Variants in ANKRD30A observed in about 807,000 individuals in gnomAD.
The protein encoded by ANKRD30A is ankyrin repeat domain-containing protein 30A.
In ANKRD30A, 170 loss-of-function variants were observed where a neutral mutation model predicts 166.3. The observed-to-expected ratio is 1.02, with a 90% confidence interval of 0.90 to 1.16. ANKRD30A has a LOEUF of 1.16. ANKRD30A is among the 50% of genes most tolerant of loss of function. The pLI is 0.00. For missense variants in ANKRD30A, 1,630 were observed against 1,518.0 expected (o/e 1.07, Z -1.23); for synonymous variants, 564 against 508.9 (o/e 1.11, Z -1.46).
rs958912187 is a variant in ANKRD30A, at chr10:37,195,623, G to T, written c.2615-1658G>T. On this transcript the variant is annotated intron_variant, in intron 27 of 35. Transcript: ENST00000361713. ...TATTTAAAAAATGGTGACCGGGTGC[G>T]GTGGCTCACGCCTGTAATGCCAGCA... is the stretch of plus-strand genomic sequence containing the variant. Among the ~76,000 whole-genome samples, 5 of 152,226 alleles carry T rather than the reference G, an allele frequency of 3.3e-5. No homozygotes were observed. In the South Asian group the frequency reaches 1.0e-3, roughly 32 times the overall value.
chr10:37,150,497 T>C (rs561320476), intron 11 of ANKRD30A, among the ~76,000 whole-genome samples: 1 of 152,196 alleles, frequency 6.6e-6, no homozygotes, highest in East Asian at 1.9e-4. Flanking sequence ...TACACTAACC[T>C]ACTTTTTAAA....
At chr10:37,163,036 A>G (rs1220462542) in intron 17 of ANKRD30A, among the ~76,000 whole-genome samples, 188 bp downstream of exon 17, 3 of 152,084 alleles carry the variant, frequency 2.0e-5, no homozygotes, top group Non-Finnish European at 4.4e-5. Flanking sequence ...ATATTTTTTA[A>G]AAAAATGTAG....
chr10:37,126,193 G>T (rs2132497342), intron 1 of ANKRD30A, among the ~76,000 whole-genome samples, 185 bp downstream of exon 1: 1 of 152,284 alleles, frequency 6.6e-6, no homozygotes, highest in African/African-American at 2.4e-5. Context: ...CCCAGGCTTG[G>T]GATGCGGGGT....
intron 13 of ANKRD30A, 112 bp from the exon 14 acceptor site, chr10:37,158,280 C>A: frequency 6.9e-7 from 1 of 1,446,084 alleles, no homozygotes; most frequent in Non-Finnish European, 9.5e-7. Flanking sequence ...ATAGTGTAAT[C>A]CGTTTTGCAA....
the ANKRD30A span, among the ~76,000 whole-genome samples, chr10:37,249,691 G>A: frequency 6.6e-6 from 1 of 152,158 alleles, no homozygotes; most frequent in Non-Finnish European, 1.5e-5. Flanking sequence ...GGGAAATTCA[G>A]GGTAGGTGTG....
chr10:37,191,067 G>C (rs1298862148), intron 25 of ANKRD30A, among the ~76,000 whole-genome samples: 1 of 151,698 alleles, frequency 6.6e-6, no homozygotes, highest in East Asian at 1.9e-4. Flanking sequence ...GTATTTTACT[G>C]ATTTTAACAT....
chr10:37,155,342 A>C (rs1027231637), intron 13 of ANKRD30A, among the ~76,000 whole-genome samples: 1 of 152,180 alleles, frequency 6.6e-6, no homozygotes, highest in Non-Finnish European at 1.5e-5. Context: ...GCATACTATT[A>C]TAGCATATGG....
chr10:37,219,945 T>C, intron 34 of ANKRD30A, 48 bp downstream of exon 34: 1 of 1,329,464 alleles, frequency 7.5e-7, no homozygotes, highest in African/African-American at 1.6e-5. Context: ...TGAAAGAAAG[T>C]TTAAAGTCAT....
Position 37,216,221 on chromosome 10 carries a change from T to G in ANKRD30A, c.2910T>G (p.Ser970=), listed in dbSNP as rs747302962. Residue 970 remains serine, a synonymous_variant, in exon 32 of 36, where the codon TCT becomes TCG. Coordinates refer to ENST00000361713, the MANE Select transcript of ANKRD30A (RefSeq NM_052997.3). ...SLSKILDTVH[S]CERARELQKD... The stretch of plus-strand genomic sequence containing the variant: ...CAAAAATCTTGGATACAGTTCATTC[T>G]TGTGAAAGAGCAAGGGAACTTCAAA... The G allele has an allele frequency of 1.2e-6, 2 of 1,606,748 alleles. No individual in the cohort carries two copies. The highest frequency in any genetic ancestry group is 1.7e-6 in the Non-Finnish European group (2 of 1,174,924).
At chr10:37,161,205 C>G (rs141057228) in intron 15 of ANKRD30A, among the ~76,000 whole-genome samples, 9,205 of 152,198 alleles carry the variant, frequency 0.06, 398 homozygotes, top group Middle Eastern at 0.11. Flanking sequence ...AGAGGCCTTT[C>G]ATGGGAAAAT....
intron 34 of ANKRD30A, among the ~76,000 whole-genome samples, chr10:37,228,990 C>A (rs1843291372): frequency 6.6e-6 from 1 of 151,990 alleles, no homozygotes; most frequent in Non-Finnish European, 1.5e-5. Context: ...TTCCTCTTAA[C>A]TTGCCTGGGG....
In ANKRD30A at chr10:37,203,947, C is replaced by G. The variant is rs188306889; in HGVS notation, c.2869+2622C>G. 2.8e-4 allele frequency among the ~76,000 whole-genome samples: 42 copies of G among 152,232 alleles called. No individual in the cohort carries two copies. In the East Asian group the frequency reaches 8.1e-3, roughly 29 times the overall value. ...AACTTACAAGGGATGTGAAGGACCT[C>G]TTCAAGGAGAACTATACACCACTGC... On this transcript the variant is annotated intron_variant, in intron 31 of 35. Transcript: ENST00000361713.
chr10:37,197,018 C>G (rs980213235), intron 27 of ANKRD30A, among the ~76,000 whole-genome samples: 4 of 152,146 alleles, frequency 2.6e-5, no homozygotes, highest in African/African-American at 9.7e-5. Flanking sequence ...TTTATTTTCT[C>G]ATATCAACCC....
intron 6 of ANKRD30A, among the ~76,000 whole-genome samples, chr10:37,139,872 A>C (rs1836981519): frequency 6.6e-6 from 1 of 152,276 alleles, no homozygotes; most frequent in East Asian, 1.9e-4. Flanking sequence ...GCAATATGAG[A>C]GTTAGGGTGC....
chr10:37,145,395 T>G (rs1167396618), intron 8 of ANKRD30A, among the ~76,000 whole-genome samples: 1 of 152,108 alleles, frequency 6.6e-6, no homozygotes, highest in East Asian at 1.9e-4. Context: ...GAGAATCACT[T>G]GAACCCGGGA....
At chr10:37,204,813 G>A (rs545249885) in intron 31 of ANKRD30A, among the ~76,000 whole-genome samples, 34 of 152,272 alleles carry the variant, frequency 2.2e-4, no homozygotes, top group South Asian at 6.2e-4. Flanking sequence ...CTTCTCAAAA[G>A]AAGATATTTA....
chr10:37,191,734 G>A (rs1482355015), intron 25 of ANKRD30A, among the ~76,000 whole-genome samples: 5 of 151,816 alleles, frequency 3.3e-5, no homozygotes, highest in East Asian at 1.9e-4. Flanking sequence ...GGTGGCTCAC[G>A]CCTGTAATCC....
chr10:37,137,586 A>G (rs922990859), intron 6 of ANKRD30A, among the ~76,000 whole-genome samples: 24 of 152,304 alleles, frequency 1.6e-4, no homozygotes, highest in Admixed American at 1.4e-3. Context: ...TATCCCGAGC[A>G]TGGCTCAGAG....
In ANKRD30A at chr10:37,193,239, C is replaced by T. The variant is rs765736103; in HGVS notation, c.2595C>T (p.Asp865=). 1.9e-5 allele frequency: 30 copies of T among 1,611,074 alleles called. 1 individual carries two copies. The East Asian group carries it at 6.1e-4, about 33-fold the overall frequency. The change falls in exon 27 of 36, where the codon GAC becomes GAT. Residue 865 remains aspartate (D), a synonymous_variant. Coordinates refer to ENST00000361713, the MANE Select transcript of ANKRD30A (RefSeq NM_052997.3). ...SIPTKALELM[D]MQTFKAEPPE... ...CAACTAAAGCCTTAGAATTGATGGA[C>T]ATGCAAACTTTCAAAGCAGGTAAAT... is the stretch of plus-strand genomic sequence containing the variant.
Sources: allele counts gnomAD v4.1 joint callset (sites outside exome capture counted in the v4.1 genomes callset), GRCh38; gene constraint gnomAD v4.1.1; transcripts MANE v1.5; gene names NCBI Gene and HGNC (gene_info 2026-07-23, HGNC 2026-07-21).